Variants in SUDS3 observed in about 807,000 individuals in gnomAD.
SUDS3 encodes the protein sin3 histone deacetylase corepressor complex component SDS3.
SUDS3 carries 23 observed loss-of-function variants against 53.5 expected under a neutral mutation model. The ratio of observed to expected loss-of-function variants is 0.43; its 90% CI spans 0.31 to 0.61. The LOEUF (loss-of-function observed/expected upper bound fraction) is 0.61, where lower values mean the gene tolerates loss of function less well. Among genes scored for constraint, SUDS3 ranks in the 20% least tolerant of loss-of-function variants. SUDS3 has a pLI of 0.10. For synonymous variants in SUDS3, 150 were observed against 148.5 expected, an observed-to-expected ratio of 1.01 and a Z score of -0.08; for missense variants, 291 against 405.9, an observed-to-expected ratio of 0.72 and a Z score of 2.43.
intron 2 of SUDS3, among the ~76,000 whole-genome samples, chr12:118,381,841 A>G (rs2046065975): frequency 6.6e-6 from 1 of 152,234 alleles, no homozygotes; most frequent in Admixed American, 6.5e-5. Context: ...AACGGTATAA[A>G]GTATATTTAA....
At chr12:118,384,164 A>G in intron 3 of SUDS3, 97 bp downstream of exon 3, 4 of 1,270,142 alleles carry the variant, frequency 3.1e-6, no homozygotes, top group Non-Finnish European at 4.5e-6. Context: ...GAGTTATTTA[A>G]AACACGGTCT....
intron 6 of SUDS3, among the ~76,000 whole-genome samples, chr12:118,394,303 G>T (rs1275228392): frequency 1.3e-5 from 2 of 152,164 alleles, no homozygotes; most frequent in Admixed American, 6.5e-5. Flanking sequence ...AACACTCAGG[G>T]ATTGGGAACT....
chr12:118,382,106 C>T (rs2046069463), intron 2 of SUDS3, among the ~76,000 whole-genome samples: 1 of 151,480 alleles, frequency 6.6e-6, no homozygotes, highest in Admixed American at 6.6e-5. Flanking sequence ...ATGGCATGAT[C>T]TCGTCTCACT....
chr12:118,389,814 G>A lies in SUDS3; in HGVS notation c.341-113G>A, dbSNP rs944449066. Reference sequence around the variant, plus strand: ...CAACATTTCACTGATGAAAACATTTGCTTTGTAACATGCTTTCAGAAAGCA... The same window carrying A: ...CAACATTTCACTGATGAAAACATTTACTTTGTAACATGCTTTCAGAAAGCA... On this transcript the variant is annotated intron_variant, in intron 4 of 11. Transcript: ENST00000543473. 15 of 1,276,102 alleles carry A rather than the reference G, an allele frequency of 1.2e-5. No homozygotes were observed. In the African/African-American group the frequency reaches 1.6e-4, roughly 14 times the overall value. The allele number at this position is 1,276,102 out of a possible 1,614,324, so 79.0% of individuals were successfully genotyped here.
At chr12:118,387,065 A>G (rs1462410392) in intron 4 of SUDS3, among the ~76,000 whole-genome samples, 2 of 152,110 alleles carry the variant, frequency 1.3e-5, no homozygotes, top group South Asian at 2.1e-4. Context: ...TGACTCTCCA[A>G]CGCTTCACTG....
At chr12:118,395,351 G>C (rs1030489178) in intron 6 of SUDS3, among the ~76,000 whole-genome samples, 68 of 150,168 alleles carry the variant, frequency 4.5e-4, no homozygotes, top group African/African-American at 1.7e-3. Context: ...TCAACCTCCT[G>C]AGTAGCTGGG....
rs1345720057 is a variant in SUDS3 at position 118,417,058 on chromosome 12, T to A, written c.*2625T>A. ...TTTACCTCTGCTTGGGGGTTTTGTGTGTTCCCCTCCCCCCATGCCCTGCCT... is the reference window on the plus strand; with the variant it reads ...TTTACCTCTGCTTGGGGGTTTTGTGAGTTCCCCTCCCCCCATGCCCTGCCT... On this transcript the variant is annotated 3_prime_UTR_variant, in exon 12 of 12. Transcript: ENST00000543473. 2 of 152,230 alleles carry A rather than the reference T, an allele frequency of 1.3e-5. No homozygotes were observed. Among genetic ancestry groups the A allele is most frequent in the African/African-American group, 4.8e-5 (2 of 41,438 alleles). The allele number at this position is 152,230 out of a possible 1,614,324, so 9.4% of individuals were successfully genotyped here.
chr12:118,381,146 G>A (rs2141359923), intron 2 of SUDS3, among the ~76,000 whole-genome samples: 1 of 152,270 alleles, frequency 6.6e-6, no homozygotes, highest in East Asian at 1.9e-4. Flanking sequence ...AGAGCTCAGA[G>A]AAGCCACGAT....
chr12:118,393,711 C>G (rs2046188648), intron 6 of SUDS3, among the ~76,000 whole-genome samples: 1 of 151,282 alleles, frequency 6.6e-6, no homozygotes, highest in Non-Finnish European at 1.5e-5. Flanking sequence ...TGCTCTGTCG[C>G]CCAGGCTGGA....
At chr12:118,403,112 G>A (rs1223934432) in intron 9 of SUDS3, among the ~76,000 whole-genome samples, 1 of 152,078 alleles carries the variant, frequency 6.6e-6, no homozygotes, top group Non-Finnish European at 1.5e-5. Context: ...TGATCACCAG[G>A]GCTTTAGTCC....
chr12:118,409,359 C>A lies in SUDS3; in HGVS notation c.804-1714C>A, dbSNP rs574078427. Reference sequence around the variant, plus strand: ...ATGGGGTTTCACCATGTTGGCCAGGCTGGTCTCGATCTCCTGACCTTGTGA... The same window carrying A: ...ATGGGGTTTCACCATGTTGGCCAGGATGGTCTCGATCTCCTGACCTTGTGA... On this transcript the variant is annotated intron_variant, in intron 10 of 11. Transcript: ENST00000543473. Among the ~76,000 whole-genome samples, 6 of 152,252 alleles carry A rather than the reference C, an allele frequency of 3.9e-5. No homozygotes were observed. In the East Asian group the frequency reaches 5.8e-4, roughly 15 times the overall value.
At chr12:118,397,552 T>G (rs1303157055) in intron 6 of SUDS3, among the ~76,000 whole-genome samples, 2 of 152,084 alleles carry the variant, frequency 1.3e-5, no homozygotes, top group Non-Finnish European at 2.9e-5. Flanking sequence ...TCAAATCATG[T>G]TTTCCACCTG....
intron 1 of SUDS3, among the ~76,000 whole-genome samples, chr12:118,378,701 G>A (rs1435950253): frequency 6.6e-6 from 1 of 151,726 alleles, no homozygotes; most frequent in East Asian, 1.9e-4. Flanking sequence ...TTGAGATGGA[G>A]TTTCACTCTT....
At position 118,416,423 on chromosome 12, in the gene SUDS3, TATTTG is replaced by T. The variant is rs1287254399; in HGVS notation, c.*1992_*1996del. 1 of 152,082 alleles carries T rather than the reference TATTTG, an allele frequency of 6.6e-6. No homozygotes were observed. The highest frequency in any genetic ancestry group is 1.5e-5 in the Non-Finnish European group (1 of 68,028). 9.4% of individuals were successfully genotyped at this position (152,082 alleles called of 1,614,324 possible). On this transcript the variant is annotated 3_prime_UTR_variant, in exon 12 of 12. Transcript: ENST00000543473. ...CCTCTGCTTTTGTGAAGCAACTATTTATTTGAAGACCAGGGTATGGGCACTTTTGC... is the reference window on the plus strand; with the variant it reads ...CCTCTGCTTTTGTGAAGCAACTATTTAAGACCAGGGTATGGGCACTTTTGC...
rs998376960 is a variant in SUDS3 at position 118,380,244 on chromosome 12, T to A, written c.212+13T>A. On this transcript the variant is annotated intron_variant, in intron 2 of 11. Coordinates refer to ENST00000543473, the MANE Select transcript of SUDS3 (RefSeq NM_022491.3). ...AAATGAAGGAACAGTGAGTATGATA[T>A]GCCTATGTCTTTTTGGAACATAGAA... The A allele has an allele frequency of 6.3e-7, 1 of 1,594,012 alleles. No homozygotes were observed. The highest frequency in any genetic ancestry group is 1.3e-5 in the African/African-American group (1 of 74,722).
intron 10 of SUDS3, among the ~76,000 whole-genome samples, chr12:118,409,243 G>T (rs2046336433): frequency 6.6e-6 from 1 of 151,798 alleles, no homozygotes; most frequent in Non-Finnish European, 1.5e-5. Context: ...CGCCTCCGGG[G>T]TCAAGCAATT....
chr12:118,383,875 A>C (rs924723607), intron 2 of SUDS3, 137 bp from the exon 3 acceptor site: 42 of 698,820 alleles, frequency 6.0e-5, no homozygotes, highest in Admixed American at 4.4e-4. Context: ...GCCAGCAAGC[A>C]GACTTTACTT....
chr12:118,401,307 G>A (rs1283853825), intron 7 of SUDS3, among the ~76,000 whole-genome samples: 1 of 152,200 alleles, frequency 6.6e-6, no homozygotes, highest in Non-Finnish European at 1.5e-5. Flanking sequence ...ATAGCTCTCT[G>A]CCCAAAATGG....
chr12:118,405,796 T>C (rs2046303852), intron 10 of SUDS3, among the ~76,000 whole-genome samples: 1 of 152,166 alleles, frequency 6.6e-6, no homozygotes, highest in Non-Finnish European at 1.5e-5. Flanking sequence ...ACCAGGCTCA[T>C]GTTTGGCTTT....
Sources: allele counts gnomAD v4.1 joint callset (sites outside exome capture counted in the v4.1 genomes callset), GRCh38; gene constraint gnomAD v4.1.1; transcripts MANE v1.5; gene names NCBI Gene and HGNC (gene_info 2026-07-23, HGNC 2026-07-21).